The following KCNAB1 variants were observed in gnomAD, a reference collection of about 807,000 sequenced individuals.
KCNAB1 encodes voltage-gated potassium channel subunit beta-1.
KCNAB1 carries 35 observed loss-of-function variants against 64.6 expected under a neutral mutation model. The observed-to-expected ratio is 0.54, with a 90% confidence interval of 0.41 to 0.72. The LOEUF is 0.72. Ranked by LOEUF, KCNAB1 falls within the 30% of genes least tolerant of loss-of-function variation. The pLI is 0.00. For synonymous variants in KCNAB1, 177 were observed against 183.8 expected (o/e 0.96, Z 0.30); for missense variants, 401 against 512.9 (o/e 0.78, Z 2.11).
chr3:156,387,070 A>G (rs144979760), intron 1 of KCNAB1, among the ~76,000 whole-genome samples: 44 of 144,088 alleles, frequency 3.1e-4, no homozygotes, highest in African/African-American at 1.2e-3. Flanking sequence ...GTAGACTTAC[A>G]AAATTTTCCT....
chr3:156,294,134 T>C (rs1720633816), intron 1 of KCNAB1, among the ~76,000 whole-genome samples: 1 of 152,228 alleles, frequency 6.6e-6, no homozygotes, highest in Admixed American at 6.5e-5. Context: ...TTAAGGTTTT[T>C]CTGGTGGCAC....
At chr3:156,250,032 A>G (rs899715755) in intron 1 of KCNAB1, among the ~76,000 whole-genome samples, 1 of 152,232 alleles carries the variant, frequency 6.6e-6, no homozygotes, top group African/African-American at 2.4e-5. Context: ...ACTTCCTATT[A>G]TATATGAGTG....
At chr3:156,507,768 G>T (rs1716922306) in intron 8 of KCNAB1, among the ~76,000 whole-genome samples, 1 of 152,076 alleles carries the variant, frequency 6.6e-6, no homozygotes, top group Non-Finnish European at 1.5e-5. Flanking sequence ...CTCCTCTGAT[G>T]AAACCAAATT....
At chr3:156,244,163 T>C (rs938213948) in intron 1 of KCNAB1, among the ~76,000 whole-genome samples, 3 of 152,214 alleles carry the variant, frequency 2.0e-5, no homozygotes, top group African/African-American at 7.2e-5. Flanking sequence ...TGGAGCTCAG[T>C]AGTCTAAAAC....
chr3:156,527,149 A>C (rs1319018087), intron 12 of KCNAB1, among the ~76,000 whole-genome samples: 1 of 152,212 alleles, frequency 6.6e-6, no homozygotes, highest in Non-Finnish European at 1.5e-5. Context: ...AAAATAAAAT[A>C]AAATCAAACA....
intron 1 of KCNAB1, among the ~76,000 whole-genome samples, chr3:156,272,556 G>A (rs1719097257): frequency 6.6e-6 from 1 of 152,030 alleles, no homozygotes; most frequent in African/African-American, 2.4e-5. Context: ...GGGCTTTTCA[G>A]TCTGCTTGTG....
chr3:156,291,020 C>T (rs899803731), intron 1 of KCNAB1: 1 of 985,702 alleles, frequency 1.0e-6, no homozygotes, highest in Non-Finnish European at 1.2e-6. Flanking sequence ...ATAAGCACCC[C>T]CTCTCTGCCT....
chr3:156,474,536 T>C (rs561886281), intron 7 of KCNAB1, 198 bp from the exon 8 acceptor site: 286 of 412,982 alleles, frequency 6.9e-4, no homozygotes, highest in Admixed American at 1.3e-3. Context: ...GCTCTAAGAC[T>C]TTTTTTATTG....
chr3:156,530,175 TAAG>T (rs1718602930), intron 12 of KCNAB1, among the ~76,000 whole-genome samples: 2 of 152,132 alleles, frequency 1.3e-5, no homozygotes, highest in South Asian at 4.1e-4. Flanking sequence ...AAAGACACAG[TAAG>T]AAATTTTGAA....
intron 1 of KCNAB1, among the ~76,000 whole-genome samples, chr3:156,171,383 A>C (rs1167151036): frequency 6.6e-6 from 1 of 152,236 alleles, no homozygotes; most frequent in Non-Finnish European, 1.5e-5. Context: ...ACTACATTTT[A>C]AACACAAATT....
intron 1 of KCNAB1, among the ~76,000 whole-genome samples, chr3:156,232,525 G>A (rs1247890346): frequency 6.6e-6 from 1 of 152,212 alleles, no homozygotes; most frequent in Non-Finnish European, 1.5e-5. Flanking sequence ...CTAAACTACA[G>A]GCTTGGCCAA....
intron 1 of KCNAB1, among the ~76,000 whole-genome samples, chr3:156,390,533 T>TTTCCTTCCTTCCTTCCTTCCTTCC (rs149026130): frequency 8.0e-4 from 121 of 150,944 alleles, no homozygotes; most frequent in African/African-American, 2.9e-3. Flanking sequence ...TTGTGGTTGG[T>TTTCCTTCCTTCCTTCCTTCCTTCC]TTCCTTCCTT....
chr3:156,338,303 C>CTTTTTTTCTTTTTTTTTTTTTTTTT (rs1723860954), intron 1 of KCNAB1, among the ~76,000 whole-genome samples: 1 of 39,488 alleles, frequency 2.5e-5, no homozygotes, highest in Non-Finnish European at 4.8e-5. Flanking sequence ...GGCATTTGCA[C>CTTTTTTTCTTTTTTTTTTTTTTTTT]TTTTTTTTTT....
intron 1 of KCNAB1, among the ~76,000 whole-genome samples, chr3:156,210,418 A>G (rs75991276): frequency 0.016 from 2,510 of 152,252 alleles, 34 homozygotes; most frequent in Non-Finnish European, 0.025. Flanking sequence ...GTGATTTCCT[A>G]TGCATTCTGT....
At chr3:156,436,463 C>A (rs1716592026) in intron 2 of KCNAB1, among the ~76,000 whole-genome samples, 2 of 152,162 alleles carry the variant, frequency 1.3e-5, no homozygotes, top group South Asian at 4.1e-4. Context: ...AATGGTATTT[C>A]TGGATCTAGG....
downstream of KCNAB1, chr3:156,538,620 TG>T (rs1292703142): frequency 3.3e-5 from 5 of 152,270 alleles, no homozygotes; most frequent in African/African-American, 9.6e-5. Flanking sequence ...AGATTTTATC[TG>T]ATCTTTCACT....
At position 156,317,196 on chromosome 3, in the gene KCNAB1, C is replaced by T. The variant is rs369190928; in HGVS notation, c.276-104420C>T. Reference sequence around the variant, plus strand: ...CTCAGAGGTGGGATAGGTTTGTCAGCAGTTAGAAATACGATTCTAGACATA... The same window carrying T: ...CTCAGAGGTGGGATAGGTTTGTCAGTAGTTAGAAATACGATTCTAGACATA... On this transcript the variant is annotated intron_variant, in intron 1 of 13. Transcript: ENST00000490337. Among the ~76,000 whole-genome samples the T allele has an allele frequency of 1.6e-4, 24 of 152,262 alleles. No homozygotes were observed. The East Asian group carries it at 2.9e-3, about 18-fold the overall frequency.
chr3:156,314,542 T>C (rs1385500748), intron 1 of KCNAB1, among the ~76,000 whole-genome samples: 1 of 152,212 alleles, frequency 6.6e-6, no homozygotes, highest in African/African-American at 2.4e-5. Flanking sequence ...TAGGAAGCAG[T>C]ATGGGCAGGA....
chr3:156,479,378 C>A (rs1576919759), intron 8 of KCNAB1, among the ~76,000 whole-genome samples: 1 of 152,046 alleles, frequency 6.6e-6, no homozygotes, highest in African/African-American at 2.4e-5. Flanking sequence ...GGACACAGAG[C>A]ATTTGTGTGT....
Sources: allele counts gnomAD v4.1 joint callset (sites outside exome capture counted in the v4.1 genomes callset), GRCh38; gene constraint gnomAD v4.1.1; transcripts MANE v1.5; gene names NCBI Gene and HGNC (gene_info 2026-07-23, HGNC 2026-07-21).